Variants in RFX3 observed in about 807,000 individuals in gnomAD.
RFX3 encodes transcription factor RFX3.
In RFX3, 14 loss-of-function variants were observed where a neutral mutation model predicts 98.6. The observed-to-expected ratio is 0.14, with a 90% CI of 0.09 to 0.22. The LOEUF (loss-of-function observed/expected upper bound fraction) is 0.22. Ranked by LOEUF, RFX3 falls within the 10% of genes least tolerant of loss-of-function variation. RFX3 has a pLI of 1.00. For synonymous variants in RFX3, 383 were observed against 328.4 expected, an observed-to-expected ratio of 1.17 and a Z score of -1.80; for missense variants, 639 against 926.9, an observed-to-expected ratio of 0.69 and a Z score of 4.03.
At chr9:3,366,697 T>TTC (rs1837158612) in intron 2 of RFX3, among the ~76,000 whole-genome samples, 3 of 67,392 alleles carry the variant, frequency 4.5e-5, no homozygotes, top group African/African-American at 2.2e-4. Context: ...TTCTTTCCTT[T>TTC]CTTTCTTTCT....
intron 2 of RFX3, among the ~76,000 whole-genome samples, chr9:3,353,354 A>G (rs142586108): frequency 6.6e-6 from 1 of 152,206 alleles, no homozygotes; most frequent in East Asian, 1.9e-4. Context: ...TAATAATACT[A>G]AAATAAAATA....
At chr9:3,382,439 T>C (rs896245142) in intron 2 of RFX3, among the ~76,000 whole-genome samples, 3 of 152,182 alleles carry the variant, frequency 2.0e-5, no homozygotes, top group Non-Finnish European at 4.4e-5. Flanking sequence ...TTCTAGCTTT[T>C]CTTAGAGATT....
At chr9:3,389,126 TG>T (rs946342563) in intron 2 of RFX3, among the ~76,000 whole-genome samples, 2 of 152,164 alleles carry the variant, frequency 1.3e-5, no homozygotes, top group African/African-American at 4.8e-5. Context: ...TTCTGACTTC[TG>T]TCAAAGTTCT....
rs1287910436 is a variant in RFX3 at position 3,395,592 on chromosome 9, G to A, written c.-4C>T. The stretch of plus-strand genomic sequence containing the variant: ...ACCCAGTCTCTGATGTCTGCATGAT[G>A]GTCTCTGAAATAGATTAAAATGAAA... On this transcript the variant is annotated 5_prime_UTR_variant, in exon 2 of 17. Coordinates refer to ENST00000617270, the MANE Select transcript of RFX3 (RefSeq NM_001282116.2). 2.5e-6 allele frequency: 4 copies of A among 1,613,474 alleles called. No individual in the cohort carries two copies. Among genetic ancestry groups the A allele is most frequent in the Non-Finnish European group, 2.5e-6 (3 of 1,179,706 alleles).
intron 1 of RFX3, among the ~76,000 whole-genome samples, chr9:3,424,167 T>C (rs1476302350): frequency 2.0e-5 from 3 of 150,072 alleles, no homozygotes; most frequent in Non-Finnish European, 4.4e-5. Context: ...GAAGAAGAAC[T>C]AGGAGGCTGT....
chr9:3,503,085 G>C (rs980144373), intron 1 of RFX3, among the ~76,000 whole-genome samples: 7 of 152,130 alleles, frequency 4.6e-5, no homozygotes, highest in African/African-American at 1.7e-4. Flanking sequence ...GTACAAACAA[G>C]TGGAGATACT....
intron 7 of RFX3, among the ~76,000 whole-genome samples, chr9:3,285,190 G>C (rs1342780080): frequency 4.0e-5 from 6 of 151,646 alleles, no homozygotes; most frequent in Non-Finnish European, 8.9e-5. Context: ...TGAAAGATAA[G>C]CACACATGGA....
intron 2 of RFX3, among the ~76,000 whole-genome samples, chr9:3,369,141 T>C (rs1353215300): frequency 6.6e-6 from 1 of 152,212 alleles, no homozygotes; most frequent in African/African-American, 2.4e-5. Flanking sequence ...GCTGGAACTA[T>C]TCGTTTTAGT....
At chr9:3,264,254 T>A (rs1363791791) in intron 12 of RFX3, among the ~76,000 whole-genome samples, 1 of 152,198 alleles carries the variant, frequency 6.6e-6, no homozygotes, top group African/African-American at 2.4e-5. Context: ...GGAAATTTGT[T>A]ATGTGCACAA....
intron 9 of RFX3, 117 bp from the exon 10 acceptor site, chr9:3,271,235 A>T: frequency 1.4e-6 from 1 of 721,134 alleles, no homozygotes; most frequent in Non-Finnish European, 2.3e-6. Context: ...TCATAAGTTA[A>T]CATGGTGAAA....
chr9:3,416,853 A>T (rs188066092), intron 1 of RFX3, among the ~76,000 whole-genome samples: 103 of 152,292 alleles, frequency 6.8e-4, no homozygotes, highest in African/African-American at 2.4e-3. Context: ...GAAACAAAAA[A>T]TAAATGGCAA....
chr9:3,397,849 G>A (rs1173781871), intron 1 of RFX3, among the ~76,000 whole-genome samples: 5 of 152,148 alleles, frequency 3.3e-5, no homozygotes, highest in African/African-American at 1.2e-4. Context: ...ATTTAAAAAT[G>A]AATCCATGTA....
intron 7 of RFX3, among the ~76,000 whole-genome samples, chr9:3,281,962 G>C (rs1172038460): frequency 6.6e-6 from 1 of 151,738 alleles, no homozygotes; most frequent in East Asian, 1.9e-4. Flanking sequence ...TTTCAAAGTG[G>C]CTGAAAAATG....
At chr9:3,346,563 A>T in intron 3 of RFX3, 104 bp downstream of exon 3, 3 of 735,480 alleles carry the variant, frequency 4.1e-6, no homozygotes, top group Non-Finnish European at 7.3e-6. Context: ...GTAGAAAATT[A>T]CTTTGAAAAC....
At chr9:3,326,679 G>T (rs2991308) in intron 4 of RFX3, among the ~76,000 whole-genome samples, 1 of 151,968 alleles carries the variant, frequency 6.6e-6, no homozygotes, top group African/African-American at 2.4e-5. Context: ...TCTTTGTTAC[G>T]GGTGCATAGT....
At chr9:3,231,754 G>A in intron 15 of RFX3, among the ~76,000 whole-genome samples, 1 of 151,986 alleles carries the variant, frequency 6.6e-6, no homozygotes, top group East Asian at 1.9e-4. Flanking sequence ...GACAAGATTA[G>A]GCCAGCACAA....
chr9:3,243,218 A>G (rs1005472405), intron 15 of RFX3, among the ~76,000 whole-genome samples: 1 of 151,748 alleles, frequency 6.6e-6, no homozygotes, highest in Non-Finnish European at 1.5e-5. Flanking sequence ...CTTACTCTTA[A>G]AATTTCACCA....
chr9:3,499,711 A>G (rs1460152913), intron 1 of RFX3, among the ~76,000 whole-genome samples: 1 of 152,142 alleles, frequency 6.6e-6, no homozygotes. Context: ...TTTTCATAAG[A>G]TATTTGGAGA....
intron 4 of RFX3, among the ~76,000 whole-genome samples, chr9:3,302,667 C>CT (rs1828805042): frequency 6.6e-6 from 1 of 151,788 alleles, no homozygotes; most frequent in South Asian, 2.1e-4. Context: ...CTTTCTTATA[C>CT]TTTGACTATG....
Sources: allele counts gnomAD v4.1 joint callset (sites outside exome capture counted in the v4.1 genomes callset), GRCh38; gene constraint gnomAD v4.1.1; transcripts MANE v1.5; gene names NCBI Gene and HGNC (gene_info 2026-07-23, HGNC 2026-07-21).